BRAF: variants seen among roughly 807,000 people sequenced by gnomAD.
The protein encoded by BRAF is serine/threonine-protein kinase B-raf.
A neutral mutation model predicts 104.6 loss-of-function variants in BRAF; 16 were observed. The ratio of observed to expected loss-of-function variants is 0.15; its 90% CI spans 0.10 to 0.23. BRAF has a LOEUF of 0.23. Among genes scored for constraint, BRAF ranks in the 10% least tolerant of loss-of-function variants. BRAF has a pLI of 1.00. For synonymous variants in BRAF, 310 were observed against 341.6 expected, an observed-to-expected ratio of 0.91 and a Z score of 1.02; for missense variants, 541 against 937.3, an observed-to-expected ratio of 0.58 and a Z score of 5.52.
At chr7:140,902,161 C>CAT (rs1815721205) in intron 1 of BRAF, among the ~76,000 whole-genome samples, 1 of 152,242 alleles carries the variant, frequency 6.6e-6, no homozygotes, top group Non-Finnish European at 1.5e-5. Context: ...TTTCCAACAG[C>CAT]ATATGCTCAC....
At chr7:140,821,103 C>T (rs1052931326) in intron 3 of BRAF, among the ~76,000 whole-genome samples, 42 of 151,932 alleles carry the variant, frequency 2.8e-4, no homozygotes, top group African/African-American at 9.9e-4. Context: ...TGGATTATCC[C>T]GCCTCAGTCT....
At chr7:140,865,991 A>G (rs532671350) in intron 1 of BRAF, among the ~76,000 whole-genome samples, 2 of 152,210 alleles carry the variant, frequency 1.3e-5, no homozygotes, top group Non-Finnish European at 2.9e-5. Flanking sequence ...AACTGTCCAT[A>G]ACGTCAAACT....
chr7:140,839,034 C>T (rs1185992954), intron 2 of BRAF, among the ~76,000 whole-genome samples: 2 of 151,970 alleles, frequency 1.3e-5, no homozygotes, highest in African/African-American at 4.8e-5. Flanking sequence ...CTTACATTTA[C>T]AGTCAATTGA....
intron 3 of BRAF, among the ~76,000 whole-genome samples, chr7:140,809,367 G>A (rs576151913): frequency 7.9e-5 from 12 of 152,282 alleles, no homozygotes; most frequent in African/African-American, 2.4e-4. Context: ...GTTCAAAGCT[G>A]AAAACTGTAT....
At chr7:140,868,760 A>G (rs781254423) in intron 1 of BRAF, among the ~76,000 whole-genome samples, 77 of 152,220 alleles carry the variant, frequency 5.1e-4, no homozygotes, top group Admixed American at 1.3e-4. Flanking sequence ...AAAAAAGGAA[A>G]CAATATGATC....
At chr7:140,753,977 T>C (rs899710381) in intron 15 of BRAF, 7 of 594,688 alleles carry the variant, frequency 1.2e-5, no homozygotes, top group Admixed American at 2.9e-5. Flanking sequence ...AGACTTCTGA[T>C]AGATTTTCTT....
At position 140,913,469 on chromosome 7, in the gene BRAF, C is replaced by CTTTTTTTTTT. The variant is rs369746551; in HGVS notation, c.138+11087_138+11096dup. Reference sequence around the variant, plus strand: ...ATGACAAAGCAAATGTTAATCACAGCTTTTTTTTTTTTTTTTTTTTTTTTT... The same window carrying CTTTTTTTTTT: ...ATGACAAAGCAAATGTTAATCACAGCTTTTTTTTTTTTTTTTTTTTTTTTTTTTTTTTTTT... On this transcript the variant is annotated intron_variant, in intron 1 of 19. Transcript: ENST00000644969. Among the ~76,000 whole-genome samples the CTTTTTTTTTT allele has an allele frequency of 2.5e-4, 14 of 57,016 alleles. 2 individuals carry two copies. The highest frequency in any genetic ancestry group is 4.5e-4 in the African/African-American group (6 of 13,376). The allele number at this position is 57,016 out of a possible 152,430, so 37.4% of individuals were successfully genotyped here. A position where few individuals can be genotyped will look rare whatever the true frequency, so the allele number is the denominator to read the frequency against.
chr7:140,753,054 AT>A (rs1486615732), intron 16 of BRAF, among the ~76,000 whole-genome samples: 20 of 152,090 alleles, frequency 1.3e-4, no homozygotes, highest in Non-Finnish European at 2.2e-4. Context: ...TAAGACATAT[AT>A]TTTTGTTTGA....
At chr7:140,850,049 T>C (rs1808990496) in intron 2 of BRAF, 62 bp downstream of exon 2, 1 of 1,211,512 alleles carries the variant, frequency 8.3e-7, no homozygotes, top group East Asian at 2.3e-5. Flanking sequence ...TCAGTACAAA[T>C]GTTTTTATAA....
chr7:140,809,459 A>G (rs1039107702), intron 3 of BRAF, among the ~76,000 whole-genome samples: 3 of 152,196 alleles, frequency 2.0e-5, no homozygotes, highest in Non-Finnish European at 4.4e-5. Flanking sequence ...CTGTCTTAAC[A>G]TGTATACTTG....
At chr7:140,922,732 A>T (rs906615679) in intron 1 of BRAF, among the ~76,000 whole-genome samples, 6 of 152,358 alleles carry the variant, frequency 3.9e-5, no homozygotes, top group African/African-American at 1.4e-4. Context: ...GTATTTATCC[A>T]TTAAAAACAA....
chr7:140,723,772 T>C lies in BRAF; in HGVS notation c.*2722A>G. 9.5e-7 allele frequency: 1 copy of C among 1,048,782 alleles called. No individual in the cohort carries two copies. The allele number at this position is 1,048,782 out of a possible 1,614,324, so 65.0% of individuals were successfully genotyped here. A position where few individuals can be genotyped will look rare whatever the true frequency, so the allele number is the denominator to read the frequency against. On this transcript the variant is annotated 3_prime_UTR_variant, in exon 20 of 20. Transcript: ENST00000644969. ...CTTTACAGACAAGACTGTTACACCC[T>C]TACAAGATGATCAGTGACGCAGCCA...
At chr7:140,780,557 T>TA (rs1336018991) in intron 12 of BRAF, 1 of 152,132 alleles carries the variant, frequency 6.6e-6, no homozygotes, top group Non-Finnish European at 1.5e-5. Context: ...TACTGTCATA[T>TA]AAAAAATTAT....
chr7:140,797,583 C>G (rs554066098), intron 7 of BRAF, among the ~76,000 whole-genome samples: 1 of 152,130 alleles, frequency 6.6e-6, no homozygotes. Context: ...ATCATTTGCT[C>G]AAGATCAGAA....
chr7:140,842,881 T>C (rs1461872913), intron 2 of BRAF, among the ~76,000 whole-genome samples: 4 of 152,128 alleles, frequency 2.6e-5, no homozygotes, highest in African/African-American at 9.7e-5. Context: ...TTTAAATAAA[T>C]TAGTACGTGG....
Position 140,833,917 on chromosome 7 carries a change from A to G in BRAF, c.504+692T>C, listed in dbSNP as rs1207517646. 3 of 152,192 alleles carry G rather than the reference A, an allele frequency of 2.0e-5. No homozygotes were observed. The East Asian group carries it at 5.8e-4, about 29-fold the overall frequency. 9.4% of individuals were successfully genotyped at this position (152,192 alleles called of 1,614,324 possible). On this transcript the variant is annotated intron_variant, in intron 3 of 19. Coordinates refer to ENST00000644969, the MANE Select transcript of BRAF (RefSeq NM_001374258.1). The stretch of plus-strand genomic sequence containing the variant: ...TTTTTGGAACATTAAACAATGACCA[A>G]TTGCACTTTTGATTTCTGTTGTCAG...
intron 16 of BRAF, among the ~76,000 whole-genome samples, chr7:140,750,682 C>T (rs980422283): frequency 4.6e-5 from 7 of 152,152 alleles, no homozygotes; most frequent in Non-Finnish European, 1.0e-4. Flanking sequence ...CCACATATAA[C>T]TGTGATGTAA....
chr7:140,765,380 T>C (rs1364431899), intron 14 of BRAF, among the ~76,000 whole-genome samples: 1 of 151,980 alleles, frequency 6.6e-6, no homozygotes, highest in African/African-American at 2.4e-5. Flanking sequence ...ATTCAGGACA[T>C]AGGCATGGGC....
intron 4 of BRAF, chr7:140,808,442 C>T (rs1040069072): frequency 1.1e-5 from 4 of 350,968 alleles, no homozygotes; most frequent in Non-Finnish European, 2.2e-5. Flanking sequence ...GGACAACATG[C>T]CCCCAAAATA....
Sources: allele counts gnomAD v4.1 joint callset (sites outside exome capture counted in the v4.1 genomes callset), GRCh38; gene constraint gnomAD v4.1.1; transcripts MANE v1.5; gene names NCBI Gene and HGNC (gene_info 2026-07-23, HGNC 2026-07-21).